DPP10: variants seen among roughly 807,000 people sequenced by gnomAD.
DPP10 encodes the protein dipeptidyl peptidase like 10.
A neutral mutation model predicts 120.9 loss-of-function variants in DPP10; 33 were observed. That is an observed-to-expected ratio of 0.27 (90% CI 0.21 to 0.37). The LOEUF (loss-of-function observed/expected upper bound fraction) is 0.37. Among genes scored for constraint, DPP10 ranks in the 10% least tolerant of loss-of-function variants. The pLI, the probability that DPP10 is intolerant of heterozygous loss-of-function variation, is 1.00. For missense variants in DPP10, 816 were observed against 942.8 expected (o/e 0.87, Z 1.76); for synonymous variants, 337 against 326.1 (o/e 1.03, Z -0.36).
intron 1 of DPP10, among the ~76,000 whole-genome samples, chr2:114,824,687 A>G (rs993912859): frequency 6.6e-6 from 1 of 152,194 alleles, no homozygotes; most frequent in Non-Finnish European, 1.5e-5. Flanking sequence ...GAATATTAGG[A>G]AATTTTGTTA....
chr2:115,370,697 C>T (rs1382721472), intron 3 of DPP10, among the ~76,000 whole-genome samples: 4 of 152,072 alleles, frequency 2.6e-5, no homozygotes, highest in African/African-American at 9.7e-5. Context: ...TTTCTGGGAA[C>T]ATTATGTACA....
intron 1 of DPP10, among the ~76,000 whole-genome samples, chr2:115,034,207 T>C (rs1000709062): frequency 2.6e-5 from 4 of 152,172 alleles, no homozygotes; most frequent in Non-Finnish European, 5.9e-5. Context: ...GCCAATATCT[T>C]TCTCTAAAGT....
At chr2:114,780,623 T>C (rs1682238344) in intron 1 of DPP10, among the ~76,000 whole-genome samples, 1 of 152,064 alleles carries the variant, frequency 6.6e-6, no homozygotes, top group Non-Finnish European at 1.5e-5. Flanking sequence ...TGCATTTATG[T>C]AGATACAACA....
chr2:114,558,183 G>A (rs1688475006), intron 1 of DPP10, among the ~76,000 whole-genome samples: 1 of 152,180 alleles, frequency 6.6e-6, no homozygotes, highest in Admixed American at 6.5e-5. Flanking sequence ...GAGTGCCCGG[G>A]CGCTCCAGGC....
intron 1 of DPP10, among the ~76,000 whole-genome samples, chr2:115,105,111 GT>G (rs1229263999): frequency 6.6e-6 from 1 of 152,104 alleles, no homozygotes; most frequent in Non-Finnish European, 1.5e-5. Context: ...GACTCACAGA[GT>G]TTATACTTTA....
chr2:115,631,551 G>A (rs2085872859), intron 5 of DPP10, among the ~76,000 whole-genome samples: 2 of 152,074 alleles, frequency 1.3e-5, no homozygotes, highest in Admixed American at 6.6e-5. Flanking sequence ...ACATTTTAGT[G>A]CTACAAATTT....
chr2:114,462,563 G>C (rs1217619766), intron 1 of DPP10, among the ~76,000 whole-genome samples: 2 of 152,162 alleles, frequency 1.3e-5, no homozygotes, highest in African/African-American at 2.4e-5. Flanking sequence ...CTTTGGGGAG[G>C]AAAACTTCAG....
intron 1 of DPP10, among the ~76,000 whole-genome samples, chr2:114,518,911 G>C (rs148364752): frequency 5.3e-5 from 8 of 152,272 alleles, no homozygotes; most frequent in African/African-American, 1.9e-4. Context: ...TTACTCAGAG[G>C]CTGGGTAGTA....
In DPP10 at chr2:115,190,098, G is replaced by A. The variant is rs189911781; in HGVS notation, c.61-119141G>A. On this transcript the variant is annotated intron_variant, in intron 1 of 25. Transcript: ENST00000410059. Reference sequence around the variant, plus strand: ...ATTTTCCCAAGCCCTCTGGCTGGTAGCCCCTAATTGCTCAGCTATTCCTCT... The same window carrying A: ...ATTTTCCCAAGCCCTCTGGCTGGTAACCCCTAATTGCTCAGCTATTCCTCT... Among the ~76,000 whole-genome samples the A allele has an allele frequency of 4.6e-3, 705 of 152,288 alleles. 5 individuals carry two copies. The highest frequency in any genetic ancestry group is 0.015 in the African/African-American group (642 of 41,564).
intron 1 of DPP10, among the ~76,000 whole-genome samples, chr2:115,016,097 C>A (rs1442788846): frequency 6.6e-6 from 1 of 152,178 alleles, no homozygotes; most frequent in African/African-American, 2.4e-5. Context: ...TGACTTCAAA[C>A]TATACTACAA....
rs10706119 is a variant in DPP10, at chr2:115,105,005, C to CA, written c.61-204220dup. Among the ~76,000 whole-genome samples, 404 of 135,588 alleles carry CA rather than the reference C, an allele frequency of 3.0e-3. 2 individuals carry two copies. The highest frequency in any genetic ancestry group is 8.0e-3 in the African/African-American group (285 of 35,444). 89.0% of individuals were successfully genotyped at this position (135,588 alleles called of 152,430 possible). A position where few individuals can be genotyped will look rare whatever the true frequency, so the allele number is the denominator to read the frequency against. On this transcript the variant is annotated intron_variant, in intron 1 of 25. Coordinates refer to ENST00000410059, the MANE Select transcript of DPP10 (RefSeq NM_020868.6). ...TGGGCGACAGAACAAGACTCCGTCT[C>CA]AAAAAAAAAAAAAATCTGTTTTATA...
At chr2:114,953,235 C>T (rs1281833548) in intron 1 of DPP10, among the ~76,000 whole-genome samples, 2 of 152,066 alleles carry the variant, frequency 1.3e-5, no homozygotes, top group Non-Finnish European at 1.5e-5. Flanking sequence ...TCAAATTCTG[C>T]GCTATAGAAC....
chr2:115,321,515 G>GTT (rs35046366), intron 2 of DPP10, among the ~76,000 whole-genome samples: 65,835 of 121,392 alleles, frequency 0.54, 19,267 homozygotes, highest in Admixed American at 0.66. Context: ...TTTTTTTAGT[G>GTT]TTTTTTTTTT....
At chr2:115,093,196 G>A (rs1294278097) in intron 1 of DPP10, among the ~76,000 whole-genome samples, 2 of 152,066 alleles carry the variant, frequency 1.3e-5, no homozygotes, top group Non-Finnish European at 2.9e-5. Flanking sequence ...ACTACACAGA[G>A]GAATAAAGTT....
chr2:115,072,602 C>T (rs1407600741), intron 1 of DPP10, among the ~76,000 whole-genome samples: 1 of 152,098 alleles, frequency 6.6e-6, no homozygotes, highest in African/African-American at 2.4e-5. Context: ...TTCACAGACA[C>T]CCACATGTGT....
intron 1 of DPP10, among the ~76,000 whole-genome samples, chr2:114,670,293 A>G (rs1048844308): frequency 4.1e-4 from 63 of 152,342 alleles, no homozygotes; most frequent in African/African-American, 1.5e-3. Flanking sequence ...GTGATAGACA[A>G]TGATAGACTG....
At chr2:115,132,888 A>G (rs755397780) in intron 1 of DPP10, among the ~76,000 whole-genome samples, 2 of 151,730 alleles carry the variant, frequency 1.3e-5, no homozygotes, top group East Asian at 3.9e-4. Context: ...ATACCTAAAA[A>G]CTCTGTGCAG....
chr2:115,114,463 A>G (rs2049395186), intron 1 of DPP10, among the ~76,000 whole-genome samples: 1 of 152,174 alleles, frequency 6.6e-6, no homozygotes, highest in Non-Finnish European at 1.5e-5. Flanking sequence ...AAAACAGTAA[A>G]TATTAATGAA....
intron 1 of DPP10, among the ~76,000 whole-genome samples, chr2:115,221,559 G>T (rs1297471506): frequency 6.6e-6 from 1 of 152,030 alleles, no homozygotes; most frequent in Non-Finnish European, 1.5e-5. Context: ...TTACTATCTG[G>T]CCCTATATAG....
Sources: gnomAD v4.1 joint callset for allele counts (sites outside exome capture counted in the v4.1 genomes callset) on GRCh38, gnomAD v4.1.1 for gene constraint, MANE v1.5 for transcripts, NCBI Gene and HGNC (gene_info 2026-07-23, HGNC 2026-07-21) for gene names.